ADGRL3: variants seen among roughly 807,000 people sequenced by gnomAD.
The protein encoded by ADGRL3 is calcium-independent alpha-latrotoxin receptor 3.
ADGRL3 carries 62 observed loss-of-function variants against 153.5 expected under a neutral mutation model. The observed-to-expected ratio is 0.40, with a 90% CI of 0.33 to 0.50. The LOEUF (loss-of-function observed/expected upper bound fraction) is 0.50, where lower values mean the gene tolerates loss of function less well. Ranked by LOEUF, ADGRL3 falls within the 20% of genes least tolerant of loss-of-function variation. ADGRL3 has a pLI of 0.47. For synonymous variants in ADGRL3, 710 were observed against 672.5 expected (o/e 1.06, Z -0.86); for missense variants, 1,641 against 1,859.4 (o/e 0.88, Z 2.16).
chr4:61,394,381 C>T (rs926502284), intron 2 of ADGRL3, among the ~76,000 whole-genome samples: 1 of 151,964 alleles, frequency 6.6e-6, no homozygotes, highest in Non-Finnish European at 1.5e-5. Context: ...AGATGGATGG[C>T]TGGATCGGAT....
intron 15 of ADGRL3, among the ~76,000 whole-genome samples, chr4:61,946,632 C>T (rs905401277): frequency 6.6e-6 from 1 of 151,986 alleles, no homozygotes; most frequent in Non-Finnish European, 1.5e-5. Context: ...TTCTAGAAGC[C>T]TTATGATTCT....
chr4:61,804,316 A>G (rs1483442004), intron 8 of ADGRL3, among the ~76,000 whole-genome samples: 2 of 152,148 alleles, frequency 1.3e-5, no homozygotes, highest in African/African-American at 4.8e-5. Context: ...ACATGCTGTC[A>G]AATCTTGCTG....
intron 1 of ADGRL3, among the ~76,000 whole-genome samples, chr4:61,274,760 C>A (rs976495733): frequency 1.6e-4 from 24 of 151,740 alleles, no homozygotes; most frequent in African/African-American, 5.8e-4. Flanking sequence ...CTTGTCTCTA[C>A]CAAAAAACAA....
At chr4:61,445,438 G>A (rs1279713194) in intron 2 of ADGRL3, among the ~76,000 whole-genome samples, 1 of 152,196 alleles carries the variant, frequency 6.6e-6, no homozygotes, top group East Asian at 1.9e-4. Context: ...GAAGTCACAG[G>A]AAGGTGTGTT....
At chr4:62,043,643 A>C (rs920297140) in intron 24 of ADGRL3, among the ~76,000 whole-genome samples, 1 of 152,076 alleles carries the variant, frequency 6.6e-6, no homozygotes, top group African/African-American at 2.4e-5. Flanking sequence ...GCCTTGGAAA[A>C]ACTTCTGAAA....
At chr4:61,357,544 T>C (rs997480749) in intron 1 of ADGRL3, among the ~76,000 whole-genome samples, 1 of 152,188 alleles carries the variant, frequency 6.6e-6, no homozygotes, top group African/African-American at 2.4e-5. Context: ...GTAATATTCC[T>C]ACGTTGGCTT....
At chr4:61,453,449 A>G (rs2097698416) in intron 2 of ADGRL3, among the ~76,000 whole-genome samples, 1 of 152,214 alleles carries the variant, frequency 6.6e-6, no homozygotes, top group East Asian at 1.9e-4. Flanking sequence ...GCATTATCTC[A>G]GAGCATTGTG....
rs954076864 is a variant in ADGRL3 at position 61,456,721 on chromosome 4, GT to G, written c.-173-40396del. Among the ~76,000 whole-genome samples, 6 of 151,448 alleles carry G rather than the reference GT, an allele frequency of 4.0e-5. No homozygotes were observed. In the Admixed American group the frequency reaches 4.0e-4, roughly 10 times the overall value. Reference sequence around the variant, plus strand: ...GAAACTGAGAGTTTTTAAATGCTGTGTTTTGAGGTGGGTCTTGAAATATGCG... The same window carrying G: ...GAAACTGAGAGTTTTTAAATGCTGTGTTTGAGGTGGGTCTTGAAATATGCG... On this transcript the variant is annotated intron_variant, in intron 2 of 26. Coordinates refer to ENST00000683033, the MANE Select transcript of ADGRL3 (RefSeq NM_001387552.1).
chr4:61,497,910 G>C (rs956079641), intron 3 of ADGRL3, among the ~76,000 whole-genome samples: 2 of 151,942 alleles, frequency 1.3e-5, no homozygotes, highest in African/African-American at 4.8e-5. Flanking sequence ...AAACCAAAAG[G>C]CTTTTTAAAA....
At chr4:61,829,500 T>C (rs183501408) in intron 9 of ADGRL3, among the ~76,000 whole-genome samples, 1 of 152,326 alleles carries the variant, frequency 6.6e-6, no homozygotes, top group East Asian at 1.9e-4. Flanking sequence ...CGTATCTGTT[T>C]AAAATAAGCA....
chr4:61,274,558 G>T (rs1004955446), intron 1 of ADGRL3, among the ~76,000 whole-genome samples: 3 of 152,078 alleles, frequency 2.0e-5, no homozygotes, highest in African/African-American at 7.2e-5. Flanking sequence ...ACCAGAATGT[G>T]ATTTAAAAAA....
At chr4:61,777,092 T>C (rs1463560499) in intron 8 of ADGRL3, among the ~76,000 whole-genome samples, 2 of 152,216 alleles carry the variant, frequency 1.3e-5, no homozygotes, top group South Asian at 2.1e-4. Flanking sequence ...CCCAGCACTT[T>C]GGGAGGCCGA....
chr4:62,060,073 G>A (rs911918088), intron 25 of ADGRL3, among the ~76,000 whole-genome samples: 2 of 151,554 alleles, frequency 1.3e-5, no homozygotes, highest in Admixed American at 6.6e-5. Flanking sequence ...TGTATTCTTG[G>A]CTTTTCAATA....
intron 5 of ADGRL3, among the ~76,000 whole-genome samples, chr4:61,645,927 C>T (rs1287616474): frequency 6.6e-6 from 1 of 152,212 alleles, no homozygotes; most frequent in East Asian, 1.9e-4. Context: ...GTACACCAAT[C>T]AGACATGGAT....
chr4:62,026,476 C>T (rs183161613), intron 21 of ADGRL3, among the ~76,000 whole-genome samples: 182 of 152,188 alleles, frequency 1.2e-3, no homozygotes, highest in African/African-American at 4.3e-3. Flanking sequence ...TTAAATGGAG[C>T]AACTAAATGG....
chr4:61,939,628 C>A (rs1012152936), intron 15 of ADGRL3, among the ~76,000 whole-genome samples: 4 of 152,094 alleles, frequency 2.6e-5, no homozygotes, highest in Admixed American at 1.3e-4. Context: ...TGCCACCACG[C>A]CTGGCTAATT....
chr4:61,935,623 A>G (rs2098835238), intron 14 of ADGRL3, among the ~76,000 whole-genome samples: 1 of 152,148 alleles, frequency 6.6e-6, no homozygotes, highest in Non-Finnish European at 1.5e-5. Flanking sequence ...TATTTAATTT[A>G]TAAAATAAAG....
At chr4:61,486,461 T>G (rs1352334123) in intron 2 of ADGRL3, among the ~76,000 whole-genome samples, 2 of 152,164 alleles carry the variant, frequency 1.3e-5, no homozygotes, top group African/African-American at 2.4e-5. Flanking sequence ...GGTGTAAGGC[T>G]TATTAGTCTA....
At chr4:61,546,066 A>G (rs138615169) in intron 4 of ADGRL3, among the ~76,000 whole-genome samples, 2 of 152,134 alleles carry the variant, frequency 1.3e-5, no homozygotes, top group Non-Finnish European at 1.5e-5. Context: ...TGCCTAGACT[A>G]TTTCCAGTAG....
Sources: allele counts gnomAD v4.1 joint callset (sites outside exome capture counted in the v4.1 genomes callset), GRCh38; gene constraint gnomAD v4.1.1; transcripts MANE v1.5; gene names NCBI Gene and HGNC (gene_info 2026-07-23, HGNC 2026-07-21).